The following GPR65 variants were observed in gnomAD, a reference collection of about 807,000 sequenced individuals.
GPR65 encodes the protein T-cell death-associated gene 8 protein.
In GPR65, 2 loss-of-function variants were observed where a neutral mutation model predicts 0.7. That is an observed-to-expected ratio of 2.83 (90% CI 1.16 to 8.92). GPR65 has a LOEUF of 8.92. GPR65 is among the 30% of genes most tolerant of loss of function. The probability of loss-of-function intolerance (pLI) is 0.04; values close to 1 mark genes in which losing one functional copy is unlikely to be tolerated. For missense variants in GPR65, 379 were observed against 399.4 expected, an observed-to-expected ratio of 0.95 and a Z score of 0.43; for synonymous variants, 128 against 146.5, an observed-to-expected ratio of 0.87 and a Z score of 0.91.
At chr14:88,008,891 G>T (rs1228716085) in intron 1 of GPR65, among the ~76,000 whole-genome samples, 2 of 152,028 alleles carry the variant, frequency 1.3e-5, no homozygotes, top group Non-Finnish European at 2.9e-5. Flanking sequence ...AAGTTTGCAG[G>T]ATCAAACTAA....
At chr14:88,007,520 C>T (rs1346577748) in intron 1 of GPR65, among the ~76,000 whole-genome samples, 2 of 150,726 alleles carry the variant, frequency 1.3e-5, no homozygotes, top group African/African-American at 4.9e-5. Context: ...TTGGTTACTC[C>T]CTGTGTTTAT....
rs1887658177 is a variant in GPR65 at position 88,010,503 on chromosome 14, C to G, written c.-345C>G. On this transcript the variant is annotated 5_prime_UTR_variant, in exon 2 of 2. Coordinates refer to ENST00000267549, the MANE Select transcript of GPR65 (RefSeq NM_003608.4). Reference sequence around the variant, plus strand: ...GAAGAAAAACAAATTGCGGACAACTCTCTATGTACACTTACAAATGCCTCA... The same window carrying G: ...GAAGAAAAACAAATTGCGGACAACTGTCTATGTACACTTACAAATGCCTCA... 4.7e-6 allele frequency: 1 copy of G among 213,106 alleles called. No individual in the cohort carries two copies. Among genetic ancestry groups the G allele is most frequent in the African/African-American group, 2.3e-5 (1 of 42,652 alleles). 13.2% of individuals were successfully genotyped at this position (213,106 alleles called of 1,614,324 possible).
chr14:88,014,690 A>G lies in GPR65; in HGVS notation c.*2829A>G, dbSNP rs1887738708. 6.6e-6 allele frequency: 1 copy of G among 152,170 alleles called. No individual in the cohort carries two copies. Among genetic ancestry groups the G allele is most frequent in the Non-Finnish European group, 1.5e-5 (1 of 68,020 alleles). 9.4% of individuals were successfully genotyped at this position (152,170 alleles called of 1,614,324 possible). A position where few individuals can be genotyped will look rare whatever the true frequency, so the allele number is the denominator to read the frequency against. ...AAATAATGTTACAATTCGATGTTCAAAAAGCAATCCAGGTACATAGCCATA... is the reference window on the plus strand; with the variant it reads ...AAATAATGTTACAATTCGATGTTCAGAAAGCAATCCAGGTACATAGCCATA... On this transcript the variant is annotated 3_prime_UTR_variant, in exon 2 of 2. Coordinates refer to ENST00000267549, the MANE Select transcript of GPR65 (RefSeq NM_003608.4).
Position 88,010,637 on chromosome 14 carries a change from T to C in GPR65, c.-211T>C. On this transcript the variant is annotated 5_prime_UTR_variant, in exon 2 of 2. Transcript: ENST00000267549. Reference sequence around the variant, plus strand: ...GCCAATTGCCAGGAGCCTGGATTTTTACTTCCAACTGCTGATATCTGTGTA... The same window carrying C: ...GCCAATTGCCAGGAGCCTGGATTTTCACTTCCAACTGCTGATATCTGTGTA... 2.0e-6 allele frequency: 1 copy of C among 505,692 alleles called. No individual in the cohort carries two copies. Among genetic ancestry groups the C allele is most frequent in the Non-Finnish European group, 3.5e-6 (1 of 285,064 alleles). The allele number at this position is 505,692 out of a possible 1,614,324, so 31.3% of individuals were successfully genotyped here.
rs569472164 is a variant in GPR65 at position 88,005,328 on chromosome 14, A to G, written c.-460+106A>G. ...ATTCTTCCTGGTTTAGGCTGTATAA[A>G]TGTGGTAATGCAAAGCATGATAAGA... On this transcript the variant is annotated intron_variant, in intron 1 of 1. Coordinates refer to ENST00000267549, the MANE Select transcript of GPR65 (RefSeq NM_003608.4). 6 of 152,462 alleles carry G rather than the reference A, an allele frequency of 3.9e-5. No homozygotes were observed. In the East Asian group the frequency reaches 1.1e-3, roughly 29 times the overall value. 9.4% of individuals were successfully genotyped at this position (152,462 alleles called of 1,614,324 possible). A position where few individuals can be genotyped will look rare whatever the true frequency, so the allele number is the denominator to read the frequency against.
At position 88,011,139 on chromosome 14, in the gene GPR65, T is replaced by C; in HGVS notation, c.292T>C (p.Phe98Leu). The change falls in exon 2 of 2, where the codon TTT becomes CTT. Residue 98 changes from phenylalanine to leucine, a missense_variant. Phe to Leu is a conservative substitution (Grantham distance 22). Transcript: ENST00000267549. ...GAGTGCTTTTCTCATGTACATGAAT[T>C]TTTACAGCAGCACAGCATTCCTCAC... ...KGSAFLMYMN[F>L]YSSTAFLTCI... The C allele has an allele frequency of 6.2e-7, 1 of 1,613,956 alleles. No homozygotes were observed. Among genetic ancestry groups the C allele is most frequent in the Non-Finnish European group, 8.5e-7 (1 of 1,179,904 alleles).
At chr14:88,009,668 T>C (rs1332755081) in intron 1 of GPR65, among the ~76,000 whole-genome samples, 1 of 152,146 alleles carries the variant, frequency 6.6e-6, no homozygotes, top group Admixed American at 6.5e-5. Flanking sequence ...ACCTTTACTC[T>C]TATGTGAATC....
rs1887709845 is a variant in GPR65, at chr14:88,012,943, G to A, written c.*1082G>A. 1 of 151,876 alleles carries A rather than the reference G, an allele frequency of 6.6e-6. No homozygotes were observed. Among genetic ancestry groups the A allele is most frequent in the Non-Finnish European group, 1.5e-5 (1 of 67,988 alleles). The allele number at this position is 151,876 out of a possible 1,614,324, so 9.4% of individuals were successfully genotyped here. A position where few individuals can be genotyped will look rare whatever the true frequency, so the allele number is the denominator to read the frequency against. ...TTGATCTCTTTTTAATTTATAACTG[G>A]GTATAACATAGCTGAAATTACCAGA... is the stretch of plus-strand genomic sequence containing the variant. On this transcript the variant is annotated 3_prime_UTR_variant, in exon 2 of 2. Transcript: ENST00000267549.
Position 88,011,713 on chromosome 14 carries a change from T to A in GPR65, c.866T>A (p.Leu289Gln). ...TSLNCVADPI[L>Q]YCFVTETGRY... ...TTAAATTGTGTTGCTGATCCAATTCTGTACTGTTTTGTAACCGAAACAGGA... is the reference window on the plus strand; with the variant it reads ...TTAAATTGTGTTGCTGATCCAATTCAGTACTGTTTTGTAACCGAAACAGGA... The change falls in exon 2 of 2, where the codon CTG becomes CAG. Residue 289 changes from leucine (L) to glutamine (Q), a missense_variant. Leu to Gln is a moderately radical substitution (Grantham distance 113). Coordinates refer to ENST00000267549, the MANE Select transcript of GPR65 (RefSeq NM_003608.4). 1 of 1,613,868 alleles carries A rather than the reference T, an allele frequency of 6.2e-7. No homozygotes were observed. The highest frequency in any genetic ancestry group is 8.5e-7 in the Non-Finnish European group (1 of 1,179,800).
Position 88,013,654 on chromosome 14 carries a change from G to A in GPR65, c.*1793G>A, listed in dbSNP as rs1887722498. Reference sequence around the variant, plus strand: ...GGCTGAGGTGGGCAGATCGCCTTAGGTCAGGAGTTGGAGACCAGGCTGACC... The same window carrying A: ...GGCTGAGGTGGGCAGATCGCCTTAGATCAGGAGTTGGAGACCAGGCTGACC... On this transcript the variant is annotated 3_prime_UTR_variant, in exon 2 of 2. Transcript: ENST00000267549. 6.6e-6 allele frequency: 1 copy of A among 152,054 alleles called. No individual in the cohort carries two copies. Among genetic ancestry groups the A allele is most frequent in the African/African-American group, 2.4e-5 (1 of 41,402 alleles). The allele number at this position is 152,054 out of a possible 1,614,324, so 9.4% of individuals were successfully genotyped here. A position where few individuals can be genotyped will look rare whatever the true frequency, so the allele number is the denominator to read the frequency against.
chr14:88,012,997 C>A lies in GPR65; in HGVS notation c.*1136C>A, dbSNP rs151246650. The A allele has an allele frequency of 2.9e-4, 43 of 149,068 alleles. No individual in the cohort carries two copies. The highest frequency in any genetic ancestry group is 9.8e-4 in the African/African-American group (40 of 40,696). 9.2% of individuals were successfully genotyped at this position (149,068 alleles called of 1,614,324 possible). A position where few individuals can be genotyped will look rare whatever the true frequency, so the allele number is the denominator to read the frequency against. ...TTAATGCATAGACAAATAAATAGTT[C>A]TATTATATCTTTCTTTTTGGACTTA... is the stretch of plus-strand genomic sequence containing the variant. On this transcript the variant is annotated 3_prime_UTR_variant, in exon 2 of 2. Coordinates refer to ENST00000267549, the MANE Select transcript of GPR65 (RefSeq NM_003608.4).
chr14:88,009,297 C>A (rs538666279), intron 1 of GPR65, among the ~76,000 whole-genome samples: 220 of 152,234 alleles, frequency 1.4e-3, no homozygotes, highest in African/African-American at 4.6e-3. Flanking sequence ...ATTTTCCCCC[C>A]CTTTGGAAGC....
At position 88,014,507 on chromosome 14, in the gene GPR65, T is replaced by C. The variant is rs975391716; in HGVS notation, c.*2646T>C. On this transcript the variant is annotated 3_prime_UTR_variant, in exon 2 of 2. Coordinates refer to ENST00000267549, the MANE Select transcript of GPR65 (RefSeq NM_003608.4). ...TATTTGAATTGTTAAATCTGTTCCC[T>C]GCAAAGAACAGTAATACAATCATGT... The C allele has an allele frequency of 7.9e-5, 12 of 152,238 alleles. No individual in the cohort carries two copies. The highest frequency in any genetic ancestry group is 2.9e-5 in the Non-Finnish European group (2 of 68,028). 9.4% of individuals were successfully genotyped at this position (152,238 alleles called of 1,614,324 possible).
chr14:88,005,660 T>C lies in GPR65; in HGVS notation c.-460+438T>C, dbSNP rs368997382. On this transcript the variant is annotated intron_variant, in intron 1 of 1. Transcript: ENST00000267549. ...AAAGAATATTTCCAGTATTAATAAATGTCAAGTAATAATTATTAGTTAATA... is the reference window on the plus strand; with the variant it reads ...AAAGAATATTTCCAGTATTAATAAACGTCAAGTAATAATTATTAGTTAATA... Among the ~76,000 whole-genome samples the C allele has an allele frequency of 2.0e-3, 308 of 152,282 alleles. 5 individuals are homozygous for C. Among genetic ancestry groups the C allele is most frequent in the African/African-American group, 7.1e-3 (293 of 41,546 alleles).
Position 88,010,919 on chromosome 14 carries a change from G to A in GPR65, c.72G>A (p.Val24=), listed in dbSNP as rs747625763. The part of the protein sequence containing the change: ...HYLFPIVYIF[V]IIVSIPANIG... ...TGTTTCCCATTGTTTACATCTTTGT[G>A]ATTATAGTCAGCATTCCAGCCAATA... Residue 24 remains valine, a synonymous_variant, in exon 2 of 2, where the codon GTG becomes GTA. Coordinates refer to ENST00000267549, the MANE Select transcript of GPR65 (RefSeq NM_003608.4). 6.2e-7 allele frequency: 1 copy of A among 1,612,234 alleles called. No homozygotes were observed. The highest frequency in any genetic ancestry group is 1.7e-5 in the Admixed American group (1 of 59,990).
Position 88,013,939 on chromosome 14 carries a change from G to A in GPR65, c.*2078G>A, listed in dbSNP as rs550426866. On this transcript the variant is annotated 3_prime_UTR_variant, in exon 2 of 2. Coordinates refer to ENST00000267549, the MANE Select transcript of GPR65 (RefSeq NM_003608.4). ...GTTTTGTTTGTGGCCACTAGGTGAC[G>A]ATCGTGTTCTGTACGGGACCTCTTA... The A allele has an allele frequency of 1.3e-5, 2 of 152,312 alleles. No homozygotes were observed. The highest frequency in any genetic ancestry group is 2.1e-4 in the South Asian group (1 of 4,814). 9.4% of individuals were successfully genotyped at this position (152,312 alleles called of 1,614,324 possible). A position where few individuals can be genotyped will look rare whatever the true frequency, so the allele number is the denominator to read the frequency against.
Position 88,005,188 on chromosome 14 carries a change from C to T in GPR65, c.-494C>T, listed in dbSNP as rs939720686. 2.6e-5 allele frequency: 4 copies of T among 152,316 alleles called. No individual in the cohort carries two copies. The East Asian group carries it at 5.6e-4, about 21-fold the overall frequency. 9.4% of individuals were successfully genotyped at this position (152,316 alleles called of 1,614,324 possible). On this transcript the variant is annotated 5_prime_UTR_variant, in exon 1 of 2. Coordinates refer to ENST00000267549, the MANE Select transcript of GPR65 (RefSeq NM_003608.4). ...ATGCAGGCACAGATTTATCAAGCTC[C>T]TCAGTCAACAAACACATCACCGGAA...
At position 88,011,989 on chromosome 14, in the gene GPR65, T is replaced by C. The variant is rs1346499038; in HGVS notation, c.*128T>C. On this transcript the variant is annotated 3_prime_UTR_variant, in exon 2 of 2. Transcript: ENST00000267549. ...TTCTCAGAGTGATGTTTTAATCCAG[T>C]CCAATAAAAATATCTTAAAACTGCA... The C allele has an allele frequency of 3.0e-6, 2 of 670,258 alleles. No homozygotes were observed. The highest frequency in any genetic ancestry group is 5.4e-5 in the East Asian group (2 of 37,098). The allele number at this position is 670,258 out of a possible 1,614,324, so 41.5% of individuals were successfully genotyped here. A position where few individuals can be genotyped will look rare whatever the true frequency, so the allele number is the denominator to read the frequency against.
rs1193412468 is a variant in GPR65 at position 88,011,399 on chromosome 14, C to T, written c.552C>T (p.Asn184=). 6.2e-7 allele frequency: 1 copy of T among 1,614,076 alleles called. No individual in the cohort carries two copies. Among genetic ancestry groups the T allele is most frequent in the South Asian group, 1.1e-5 (1 of 91,084 alleles). The change falls in exon 2 of 2, where the codon AAC becomes AAT. Residue 184 remains asparagine, a synonymous_variant. Transcript: ENST00000267549. ...YPLEKWQINL[N]LFRTCTGYAI... is the part of the protein sequence containing the mutation. ...TAGAGAAATGGCAAATCAACCTCAACTTGTTCAGGACGTGTACAGGCTATG... is the reference window on the plus strand; with the variant it reads ...TAGAGAAATGGCAAATCAACCTCAATTTGTTCAGGACGTGTACAGGCTATG...
Sources: allele counts gnomAD v4.1 joint callset (sites outside exome capture counted in the v4.1 genomes callset), GRCh38; gene constraint gnomAD v4.1.1; transcripts MANE v1.5; gene names NCBI Gene and HGNC (gene_info 2026-07-23, HGNC 2026-07-21).